Variants in CERT1 observed in about 807,000 individuals in gnomAD.
CERT1 encodes ceramide transporter 1, also known as ceramide transfer protein.
A neutral mutation model predicts 87.9 loss-of-function variants in CERT1; 31 were observed. The ratio of observed to expected loss-of-function variants is 0.35; its 90% CI spans 0.27 to 0.48. The LOEUF is 0.48. Among genes scored for constraint, CERT1 ranks in the 20% least tolerant of loss-of-function variants. CERT1 has a pLI of 0.99. For synonymous variants in CERT1, 289 were observed against 250.9 expected, an observed-to-expected ratio of 1.15 and a Z score of -1.44; for missense variants, 487 against 758.0, an observed-to-expected ratio of 0.64 and a Z score of 4.20.
At chr5:75,489,048 G>A (rs1351052215) in intron 2 of CERT1, among the ~76,000 whole-genome samples, 1 of 152,090 alleles carries the variant, frequency 6.6e-6, no homozygotes, top group Non-Finnish European at 1.5e-5. Flanking sequence ...TACCAAAACA[G>A]ATATATAGAC....
intron 3 of CERT1, among the ~76,000 whole-genome samples, chr5:75,455,428 A>C (rs963157640): frequency 1.3e-5 from 2 of 152,188 alleles, no homozygotes; most frequent in Non-Finnish European, 2.9e-5. Context: ...TTATTGGTAA[A>C]AATGTGTTGA....
At chr5:75,488,021 G>T (rs1766605054) in intron 2 of CERT1, among the ~76,000 whole-genome samples, 1 of 152,042 alleles carries the variant, frequency 6.6e-6, no homozygotes. Context: ...TTGAACTCAT[G>T]AAAACAGAAA....
chr5:75,459,130 A>C lies in CERT1; in HGVS notation c.283T>G (p.Trp95Gly). 1 of 1,613,240 alleles carries C rather than the reference A, an allele frequency of 6.2e-7. No homozygotes were observed. Among genetic ancestry groups the C allele is most frequent in the Non-Finnish European group, 8.5e-7 (1 of 1,179,206 alleles). Reference sequence around the variant, plus strand: ...TCTGGATCCTGAGCACGAAGATACCAAACACTATCATTTACACTAATATCA... The same window carrying C: ...TCTGGATCCTGAGCACGAAGATACCCAACACTATCATTTACACTAATATCA... ...RFDISVNDSV[W>G]YLRAQDPDHR... is the part of the protein sequence containing the mutation. The change falls in exon 3 of 17, where the codon TGG (tryptophan) becomes GGG (glycine). Residue 95 changes from tryptophan (W) to glycine (G), a missense_variant. By Grantham distance (184) the Trp-to-Gly change is radical (BLOSUM62 -2). This residue lies in a region of CERT1 where 173 missense variants were observed against 302.2 expected (regional missense o/e 0.57). Coordinates refer to ENST00000643780, the MANE Select transcript of CERT1 (RefSeq NM_001379029.1).
At chr5:75,494,112 T>C (rs1766943589) in intron 2 of CERT1, among the ~76,000 whole-genome samples, 2 of 152,242 alleles carry the variant, frequency 1.3e-5, no homozygotes, top group African/African-American at 4.8e-5. Flanking sequence ...CTCTTTCATA[T>C]TGGAAACTTT....
intron 8 of CERT1, among the ~76,000 whole-genome samples, chr5:75,407,854 TTC>T (rs1237273390): frequency 7.0e-6 from 1 of 142,566 alleles, no homozygotes; most frequent in African/African-American, 2.6e-5. Flanking sequence ...AATGAAGGAA[TTC>T]TTTTTTTTTT....
chr5:75,499,377 C>A (rs1767235331), intron 2 of CERT1, among the ~76,000 whole-genome samples: 1 of 152,080 alleles, frequency 6.6e-6, no homozygotes, highest in Non-Finnish European at 1.5e-5. Context: ...TTCCCATAAT[C>A]CCCATGTGTT....
At chr5:75,390,984 G>C (rs1469978853) in intron 11 of CERT1, among the ~76,000 whole-genome samples, 1 of 148,990 alleles carries the variant, frequency 6.7e-6, no homozygotes, top group African/African-American at 2.5e-5. Context: ...TTTTTTTTAA[G>C]AGACACGGTC....
At chr5:75,423,000 T>C (rs1405645514) in intron 5 of CERT1, among the ~76,000 whole-genome samples, 2 of 152,228 alleles carry the variant, frequency 1.3e-5, no homozygotes, top group Admixed American at 6.5e-5. Flanking sequence ...ATCTCAGAAC[T>C]GTGAGAAAAT....
At chr5:75,412,151 C>G (rs996058732) in intron 7 of CERT1, among the ~76,000 whole-genome samples, 1 of 152,180 alleles carries the variant, frequency 6.6e-6, no homozygotes, top group East Asian at 1.9e-4. Flanking sequence ...TTCCTCATTT[C>G]AAATAGTCAT....
chr5:75,438,177 G>C (rs1281056048), intron 3 of CERT1, among the ~76,000 whole-genome samples: 1 of 152,112 alleles, frequency 6.6e-6, no homozygotes, highest in Non-Finnish European at 1.5e-5. Flanking sequence ...CTCTCAATTA[G>C]TTTTTAATTT....
chr5:75,412,972 A>C (rs982383235), intron 7 of CERT1, among the ~76,000 whole-genome samples: 1 of 152,200 alleles, frequency 6.6e-6, no homozygotes, highest in Non-Finnish European at 1.5e-5. Context: ...TTAATTTTTT[A>C]AACTTTTTGA....
Position 75,382,063 on chromosome 5 carries a change from A to G in CERT1, c.1503T>C (p.Ala501=), listed in dbSNP as rs1186366080. 1 of 1,614,030 alleles carries G rather than the reference A, an allele frequency of 6.2e-7. No individual in the cohort carries two copies. Among genetic ancestry groups the G allele is most frequent in the Non-Finnish European group, 8.5e-7 (1 of 1,179,944 alleles). Residue 501 remains alanine, a synonymous_variant, in exon 15 of 17, where the codon GCT becomes GCC. Transcript: ENST00000643780. ...AAAGATATAATACGTCTCGCTGAGA[A>G]GCAGGCCACACCCTCTGTGGAGAAG... The part of the protein sequence containing the change: ...IYQTHKRVWP[A]SQRDVLYLSV...
intron 3 of CERT1, among the ~76,000 whole-genome samples, chr5:75,431,931 A>G (rs1763883027): frequency 6.6e-6 from 1 of 152,192 alleles, no homozygotes; most frequent in Non-Finnish European, 1.5e-5. Context: ...GGGTATATAC[A>G]CAGTAATGAG....
chr5:75,453,857 G>A (rs1764861119), intron 3 of CERT1, among the ~76,000 whole-genome samples: 1 of 152,164 alleles, frequency 6.6e-6, no homozygotes, highest in South Asian at 2.1e-4. Context: ...CGAGTGGAGG[G>A]TGCGTGAATG....
At chr5:75,479,290 T>C (rs1030671106) in intron 2 of CERT1, among the ~76,000 whole-genome samples, 2 of 152,108 alleles carry the variant, frequency 1.3e-5, no homozygotes, top group African/African-American at 2.4e-5. Context: ...ATTTTTACAG[T>C]CTTTTTTTTT....
intron 1 of CERT1, among the ~76,000 whole-genome samples, chr5:75,508,240 CTT>C (rs1236391169): frequency 3.9e-5 from 6 of 152,028 alleles, no homozygotes; most frequent in African/African-American, 1.4e-4. Context: ...TACTTATTCT[CTT>C]TGTGTTCTTT....
intron 3 of CERT1, among the ~76,000 whole-genome samples, chr5:75,443,294 C>T (rs1171387952): frequency 6.6e-6 from 1 of 151,920 alleles, no homozygotes; most frequent in Non-Finnish European, 1.5e-5. Flanking sequence ...ATTTGTAAAG[C>T]TATGTTGTTG....
At chr5:75,452,305 G>T (rs1764799053) in intron 3 of CERT1, among the ~76,000 whole-genome samples, 3 of 152,196 alleles carry the variant, frequency 2.0e-5, no homozygotes, top group Admixed American at 6.5e-5. Context: ...ACAACGTGGG[G>T]AAAGTCTGTG....
At chr5:75,511,006 C>G in intron 1 of CERT1, 106 bp downstream of exon 1, 2 of 1,391,014 alleles carry the variant, frequency 1.4e-6, no homozygotes, top group South Asian at 3.0e-5. Context: ...AGCCTCGCAC[C>G]CCGGCACGTT....
Sources: gnomAD v4.1 joint callset for allele counts (sites outside exome capture counted in the v4.1 genomes callset) on GRCh38, gnomAD v4.1.1 for gene constraint, gnomAD v4.1.1 regional missense constraint, MANE v1.5 for transcripts, NCBI Gene and HGNC (gene_info 2026-07-23, HGNC 2026-07-21) for gene names.